Variants in PCDHGB6 observed in about 807,000 individuals in gnomAD.
PCDHGB6 encodes the protein protocadherin gamma-B6.
A neutral mutation model predicts 59.1 loss-of-function variants in PCDHGB6; 51 were observed. That is an observed-to-expected ratio of 0.86 (90% CI 0.69 to 1.09). PCDHGB6 has a LOEUF of 1.09. Among genes scored for constraint, PCDHGB6 ranks in the 50% least tolerant of loss-of-function variants. PCDHGB6 has a pLI of 0.00. For synonymous variants in PCDHGB6, 466 were observed against 495.1 expected (o/e 0.94, Z 0.78); for missense variants, 1,148 against 1,205.1 (o/e 0.95, Z 0.70).
intron 1 of PCDHGB6, among the ~76,000 whole-genome samples, chr5:141,459,376 G>A (rs72790056): frequency 0.022 from 3,347 of 152,266 alleles, 53 homozygotes; most frequent in South Asian, 0.04. Flanking sequence ...TATCAGCAGC[G>A]TGTTCCATTT....
chr5:141,423,184 C>A (rs747938944), intron 1 of PCDHGB6: 1 of 1,613,442 alleles, frequency 6.2e-7, no homozygotes, highest in South Asian at 1.1e-5. Flanking sequence ...CCACGGCCAG[C>A]CCCCTCTCTC....
Position 141,431,948 on chromosome 5 carries a change from T to G in PCDHGB6, c.2418+21328T>G. ...AAATCTGCCCTTTAAATTAGAAAAA[T>G]CTTACGGAAATTACTATAGTTTAGT... is the stretch of plus-strand genomic sequence containing the variant. On this transcript the variant is annotated intron_variant, in intron 1 of 3. Transcript: ENST00000520790. The surrounding 1 kb of genome is among the most constrained non-coding windows in gnomAD (Gnocchi z 4.8). The G allele has an allele frequency of 6.2e-7, 1 of 1,614,076 alleles. No homozygotes were observed. The highest frequency in any genetic ancestry group is 8.5e-7 in the Non-Finnish European group (1 of 1,180,006).
At chr5:141,427,776 G>T (rs3828681) in intron 1 of PCDHGB6, 8 of 1,424,704 alleles carry the variant, frequency 5.6e-6, no homozygotes, top group Non-Finnish European at 9.8e-7. Context: ...GGAGCTGCGG[G>T]CACTGTCGTC....
rs1195194477 is a variant in PCDHGB6, at chr5:141,432,620, C to G, written c.2418+22000C>G. On this transcript the variant is annotated intron_variant, in intron 1 of 3. Transcript: ENST00000520790. The surrounding 1 kb of genome is among the most constrained non-coding windows in gnomAD (Gnocchi z 6.0). ...CGAGCCGGGACTCTTCTCGGTGGGTCTGCACACGGGCGAGGTGCGCACGGC... is the reference window on the plus strand; with the variant it reads ...CGAGCCGGGACTCTTCTCGGTGGGTGTGCACACGGGCGAGGTGCGCACGGC... 6 of 1,613,190 alleles carry G rather than the reference C, an allele frequency of 3.7e-6. No individual in the cohort carries two copies. Among genetic ancestry groups the G allele is most frequent in the Admixed American group, 1.7e-5 (1 of 59,978 alleles).
chr5:141,452,459 C>T (rs545368648), intron 1 of PCDHGB6, among the ~76,000 whole-genome samples: 38 of 152,246 alleles, frequency 2.5e-4, no homozygotes, highest in Middle Eastern at 6.8e-3. Context: ...TGTCAGCAGA[C>T]GGAGCTAGGA....
chr5:141,436,902 G>A (rs2097852984), intron 1 of PCDHGB6, among the ~76,000 whole-genome samples: 1 of 152,210 alleles, frequency 6.6e-6, no homozygotes, highest in Admixed American at 6.5e-5. Flanking sequence ...TTTTATATGA[G>A]ACAATTTTGT....
At position 141,487,741 on chromosome 5, in the gene PCDHGB6, A is replaced by C. The variant is rs773413559; in HGVS notation, c.2419-7066A>C. 1.6e-4 allele frequency: 247 copies of C among 1,561,638 alleles called. 1 individual carries two copies. The highest frequency in any genetic ancestry group is 2.1e-4 in the Non-Finnish European group (244 of 1,151,698). On this transcript the variant is annotated intron_variant, in intron 1 of 3. Coordinates refer to ENST00000520790, the MANE Select transcript of PCDHGB6 (RefSeq NM_018926.3). This position sits in a 1 kb window ranked among gnomAD's most constrained non-coding sequence, Gnocchi z 5.0. ...ATAGTGATGTCACCATTTTTGTAAG[A>C]GGTAACTATGTGGTAGACGCTGTGC... is the stretch of plus-strand genomic sequence containing the variant.
At chr5:141,470,736 C>A (rs541510544) in intron 1 of PCDHGB6, among the ~76,000 whole-genome samples, 1 of 152,092 alleles carries the variant, frequency 6.6e-6, no homozygotes, top group Non-Finnish European at 1.5e-5. Context: ...CTTGCTCTGT[C>A]GCCCTGGCTG....
rs200127436 is a variant in PCDHGB6, at chr5:141,409,073, A to G, written c.871A>G (p.Met291Val). The change falls in exon 1 of 4, where the codon ATG becomes GTG. Residue 291 changes from methionine to valine, a missense_variant. This residue lies in a region of PCDHGB6 where 549 missense variants were observed against 527.5 expected (regional missense o/e 1.04). Transcript: ENST00000520790. ...AAGCACTGCCCAGAGCACAAAACAT[A>G]TGTTCTCATTGGATGAGAAAACAGG... The part of the protein sequence containing the change: ...FRSTAQSTKH[M>V]FSLDEKTGMI... 1 of 1,613,866 alleles carries G rather than the reference A, an allele frequency of 6.2e-7. No individual in the cohort carries two copies.
rs561569572 is a variant in PCDHGB6, at chr5:141,512,054, C to A, written c.*881C>A. 6.5e-6 allele frequency: 1 copy of A among 152,828 alleles called. No individual in the cohort carries two copies. The highest frequency in any genetic ancestry group is 1.9e-4 in the East Asian group (1 of 5,184). The allele number at this position is 152,828 out of a possible 1,614,324, so 9.5% of individuals were successfully genotyped here. On this transcript the variant is annotated 3_prime_UTR_variant, in exon 4 of 4. Coordinates refer to ENST00000520790, the MANE Select transcript of PCDHGB6 (RefSeq NM_018926.3). Reference sequence around the variant, plus strand: ...GGAGGCTCTGTATGTCCTCAGGGGACTGACAACATCCTCCAGATTCCAGCC... The same window carrying A: ...GGAGGCTCTGTATGTCCTCAGGGGAATGACAACATCCTCCAGATTCCAGCC...
At chr5:141,474,881 C>A (rs2099356099) in intron 1 of PCDHGB6, among the ~76,000 whole-genome samples, 1 of 152,244 alleles carries the variant, frequency 6.6e-6, no homozygotes, top group South Asian at 2.1e-4. Context: ...AGCAGGAACT[C>A]TTAGAGGTTC....
chr5:141,419,618 C>T (rs746617593), intron 1 of PCDHGB6: 3 of 1,612,326 alleles, frequency 1.9e-6, no homozygotes, highest in South Asian at 1.1e-5. Flanking sequence ...GCCAGGCTAC[C>T]TGGTGACCAA....
intron 1 of PCDHGB6, chr5:141,423,300 G>A (rs1293301567): frequency 2.5e-6 from 4 of 1,614,028 alleles, no homozygotes; most frequent in African/African-American, 1.3e-5. Context: ...CAGACCTCTC[G>A]CTGTACTTGG....
Position 141,431,388 on chromosome 5 carries a change from T to G in PCDHGB6, c.2418+20768T>G. 1 of 1,613,920 alleles carries G rather than the reference T, an allele frequency of 6.2e-7. No individual in the cohort carries two copies. The highest frequency in any genetic ancestry group is 8.5e-7 in the Non-Finnish European group (1 of 1,180,038). ...CGCGAAGAAAAGGCTGCTCACCACC[T>G]GGTCCTTACGGCCTCCGACGGGGGC... On this transcript the variant is annotated intron_variant, in intron 1 of 3. Transcript: ENST00000520790. The surrounding 1 kb of genome is among the most constrained non-coding windows in gnomAD (Gnocchi z 4.8).
intron 1 of PCDHGB6, among the ~76,000 whole-genome samples, chr5:141,450,123 T>G (rs565568384): frequency 2.4e-4 from 36 of 150,874 alleles, no homozygotes; most frequent in Non-Finnish European, 4.7e-4. Context: ...TCTCCTGCCT[T>G]AGCCTCCTGA....
At chr5:141,461,388 A>T (rs1025976806) in intron 1 of PCDHGB6, among the ~76,000 whole-genome samples, 5 of 152,164 alleles carry the variant, frequency 3.3e-5, no homozygotes, top group Admixed American at 6.5e-5. Context: ...CCTGATGATT[A>T]GCGATGTTGA....
intron 2 of PCDHGB6, among the ~76,000 whole-genome samples, chr5:141,501,184 C>T (rs1209222790): frequency 6.6e-6 from 1 of 152,002 alleles, no homozygotes; most frequent in Non-Finnish European, 1.5e-5. Context: ...CATTTTAACA[C>T]AATTAAATTC....
intron 1 of PCDHGB6, among the ~76,000 whole-genome samples, chr5:141,458,664 G>A (rs544369246): frequency 6.6e-6 from 1 of 152,196 alleles, no homozygotes; most frequent in African/African-American, 2.4e-5. Context: ...CCACCTCTCG[G>A]GTTCAAGCAA....
In PCDHGB6 at chr5:141,485,870, C is replaced by A. The variant is rs745737454; in HGVS notation, c.2419-8937C>A. On this transcript the variant is annotated intron_variant, in intron 1 of 3. Coordinates refer to ENST00000520790, the MANE Select transcript of PCDHGB6 (RefSeq NM_018926.3). The surrounding 1 kb of genome is among the most constrained non-coding windows in gnomAD (Gnocchi z 5.7). ...CACCGCAGAGCTCCGGGTATCCGTGCTGGACGTAAACGACAACGCCCCAGC... is the reference window on the plus strand; with the variant it reads ...CACCGCAGAGCTCCGGGTATCCGTGATGGACGTAAACGACAACGCCCCAGC... 1 of 1,614,174 alleles carries A rather than the reference C, an allele frequency of 6.2e-7. No homozygotes were observed. Among genetic ancestry groups the A allele is most frequent in the Non-Finnish European group, 8.5e-7 (1 of 1,180,032 alleles).
Sources: gnomAD v4.1 joint callset for allele counts (sites outside exome capture counted in the v4.1 genomes callset) on GRCh38, gnomAD v4.1.1 for gene constraint, gnomAD v4.1.1 regional missense constraint, Gnocchi (gnomAD v3.1) non-coding constraint, MANE v1.5 for transcripts, NCBI Gene and HGNC (gene_info 2026-07-23, HGNC 2026-07-21) for gene names.